The following SEC31A variants were observed in gnomAD, a reference collection of about 807,000 sequenced individuals.
SEC31A encodes protein transport protein Sec31A.
A neutral mutation model predicts 151.0 loss-of-function variants in SEC31A; 70 were observed. The observed-to-expected ratio is 0.46, with a 90% CI of 0.38 to 0.57. The LOEUF (loss-of-function observed/expected upper bound fraction) is 0.57. Among genes scored for constraint, SEC31A ranks in the 20% least tolerant of loss-of-function variants. SEC31A has a pLI of 0.00. For missense variants in SEC31A, 1,330 were observed against 1,471.2 expected, an observed-to-expected ratio of 0.90 and a Z score of 1.57; for synonymous variants, 475 against 505.9, an observed-to-expected ratio of 0.94 and a Z score of 0.82.
At position 82,855,039 on chromosome 4, in the gene SEC31A, C is replaced by A; in HGVS notation, c.1882-10G>T. Reference sequence around the variant, plus strand: ...CCACTGCAGTGATGAGCTTGAGAAACGAAAACAAAGGAAGAATTAAAAGTC... The same window carrying A: ...CCACTGCAGTGATGAGCTTGAGAAAAGAAAACAAAGGAAGAATTAAAAGTC... On this transcript the variant is annotated splice_polypyrimidine_tract_variant and intron_variant, in intron 16 of 26. Transcript: ENST00000395310. 2 of 1,581,376 alleles carry A rather than the reference C, an allele frequency of 1.3e-6. No homozygotes were observed. Among genetic ancestry groups the A allele is most frequent in the Admixed American group, 3.9e-5 (2 of 51,086 alleles).
Position 82,856,887 on chromosome 4 carries a change from AAC to A in SEC31A, c.1881+63_1881+64del, listed in dbSNP as rs1732808007. On this transcript the variant is annotated intron_variant, in intron 16 of 26. Transcript: ENST00000395310. The stretch of plus-strand genomic sequence containing the variant: ...TTTCTGCATTTCAGTTATCTATAAT[AAC>A]AGTGTATTGTTTTTATAATTAGAAA... The A allele has an allele frequency of 5.3e-6, 7 of 1,320,986 alleles. No individual in the cohort carries two copies. In the South Asian group the frequency reaches 1.0e-4, roughly 19 times the overall value. The allele number at this position is 1,320,986 out of a possible 1,614,324, so 81.8% of individuals were successfully genotyped here. A position where few individuals can be genotyped will look rare whatever the true frequency, so the allele number is the denominator to read the frequency against.
At chr4:82,844,963 G>A (rs867304399) in intron 20 of SEC31A, among the ~76,000 whole-genome samples, 1 of 152,214 alleles carries the variant, frequency 6.6e-6, no homozygotes, top group Non-Finnish European at 1.5e-5. Context: ...CAAAACCTTG[G>A]TTGGTGTTTT....
intron 1 of SEC31A, among the ~76,000 whole-genome samples, chr4:82,887,541 T>C: frequency 6.6e-6 from 1 of 152,256 alleles, no homozygotes; most frequent in East Asian, 1.9e-4. Context: ...AGCTTCACTA[T>C]GTCCACCTCT....
At chr4:82,879,206 C>A (rs1443424778) in intron 3 of SEC31A, among the ~76,000 whole-genome samples, 12 of 151,974 alleles carry the variant, frequency 7.9e-5, no homozygotes, top group Non-Finnish European at 1.8e-4. Flanking sequence ...AAAATATGAG[C>A]TTAAGAATGA....
At chr4:82,861,905 C>CTT (rs33968103) in intron 13 of SEC31A, 197 bp from the exon 14 acceptor site, 1,095 of 89,694 alleles carry the variant, frequency 0.012, 135 homozygotes, top group South Asian at 0.026. Flanking sequence ...CTTTCCCATT[C>CTT]TTTTTTTTTT....
chr4:82,884,269 G>A (rs1740115592), intron 1 of SEC31A, among the ~76,000 whole-genome samples: 2 of 151,892 alleles, frequency 1.3e-5, no homozygotes, highest in South Asian at 2.1e-4. Context: ...GATTACAGGG[G>A]TGAGCCACTG....
At chr4:82,900,261 G>C (rs1433007555) in intron 1 of SEC31A, 1 of 154,500 alleles carries the variant, frequency 6.5e-6, no homozygotes, top group Admixed American at 6.5e-5. Context: ...ACGCATCTCA[G>C]TAAATCATAT....
At chr4:82,820,091 T>TAATATATACTC (rs1165791346) in intron 26 of SEC31A, among the ~76,000 whole-genome samples, 5 of 151,768 alleles carry the variant, frequency 3.3e-5, no homozygotes, top group African/African-American at 1.2e-4. Context: ...AAAAATGTTT[T>TAATATATACTC]AATATATACT....
chr4:82,837,452 T>C (rs957964843), intron 22 of SEC31A, among the ~76,000 whole-genome samples: 3 of 152,020 alleles, frequency 2.0e-5, no homozygotes, highest in Non-Finnish European at 4.4e-5. Flanking sequence ...CTAGGTGCGA[T>C]CACAGCTCAC....
In SEC31A at chr4:82,824,546, A is replaced by C; in HGVS notation, c.3411+9T>G. On this transcript the variant is annotated intron_variant, in intron 25 of 26. Transcript: ENST00000395310. ...AAGCAAAATATGATTTAAAAAAATA[A>C]ATACATACAGGGTCTGTTGCTGAAG... 2.5e-6 allele frequency: 4 copies of C among 1,606,926 alleles called. No individual in the cohort carries two copies. Among genetic ancestry groups the C allele is most frequent in the South Asian group, 2.2e-5 (2 of 89,184 alleles).
chr4:82,825,383 T>C (rs1036783274), intron 24 of SEC31A, among the ~76,000 whole-genome samples: 1 of 152,086 alleles, frequency 6.6e-6, no homozygotes, highest in Non-Finnish European at 1.5e-5. Flanking sequence ...CCAATGTACA[T>C]AAAATAGCAA....
intron 25 of SEC31A, among the ~76,000 whole-genome samples, chr4:82,823,804 GAAAGAAA>G (rs1723954278): frequency 6.6e-6 from 1 of 152,186 alleles, no homozygotes; most frequent in Non-Finnish European, 1.5e-5. Flanking sequence ...TATAAGCTCA[GAAAGAAA>G]TCCCAAATCT....
At position 82,851,577 on chromosome 4, in the gene SEC31A, G is replaced by A. The variant is rs762276252; in HGVS notation, c.2182C>T (p.Arg728Ter). Reference protein sequence around the residue: ...QDLIEKVVILRKAVQLTQAMD... With the variant: ...QDLIEKVVIL Reference sequence around the variant, plus strand: ...GCTTGAGTGAGTTGCACAGCTTTTCGCAGGATGACAACTTTCTCAATCAGA... The same window carrying A: ...GCTTGAGTGAGTTGCACAGCTTTTCACAGGATGACAACTTTCTCAATCAGA... Residue 728 changes from arginine (R) to a stop codon, truncating the protein, a stop_gained, in exon 19 of 27, where the codon CGA (arginine) becomes TGA (stop). Transcript: ENST00000395310. LOFTEE classifies it high-confidence loss of function. 4 of 1,610,678 alleles carry A rather than the reference G, an allele frequency of 2.5e-6. No homozygotes were observed. The highest frequency in any genetic ancestry group is 1.7e-5 in the Admixed American group (1 of 59,592).
At position 82,881,850 on chromosome 4, in the gene SEC31A, G is replaced by C. The variant is rs764993312; in HGVS notation, c.79+8C>G. 6.9e-6 allele frequency: 11 copies of C among 1,604,574 alleles called. No individual in the cohort carries two copies. The highest frequency in any genetic ancestry group is 9.4e-6 in the Non-Finnish European group (11 of 1,171,418). ...TAACTCATACTATCTTCTCTCCTTTGAACTTACCTGTTGCTAGGTAAATGG... is the reference window on the plus strand; with the variant it reads ...TAACTCATACTATCTTCTCTCCTTTCAACTTACCTGTTGCTAGGTAAATGG... On this transcript the variant is annotated splice_region_variant and intron_variant, in intron 2 of 26. Transcript: ENST00000395310.
chr4:82,835,554 G>A (rs1727006339), intron 22 of SEC31A, among the ~76,000 whole-genome samples: 1 of 152,222 alleles, frequency 6.6e-6, no homozygotes, highest in East Asian at 1.9e-4. Flanking sequence ...CCCAGTATTT[G>A]GGAGGCTGAG....
chr4:82,858,854 C>G (rs920149536), intron 14 of SEC31A, among the ~76,000 whole-genome samples: 4 of 151,672 alleles, frequency 2.6e-5, no homozygotes, highest in Non-Finnish European at 4.4e-5. Flanking sequence ...AGGTGCCCAC[C>G]ACCATGCCTG....
At position 82,866,904 on chromosome 4, in the gene SEC31A, C is replaced by A. The variant is rs776596502; in HGVS notation, c.1101G>T (p.Pro367=). 2 of 1,614,108 alleles carry A rather than the reference C, an allele frequency of 1.2e-6. No individual in the cohort carries two copies. Among genetic ancestry groups the A allele is most frequent in the East Asian group, 4.5e-5 (2 of 44,874 alleles). The change falls in exon 10 of 27, where the codon CCG becomes CCT. Residue 367 remains proline (P), a synonymous_variant. Coordinates refer to ENST00000395310, the MANE Select transcript of SEC31A (RefSeq NM_001077207.4). ...DPFGTGQPLP[P]LQIPQQTAQH... is the part of the protein sequence containing the mutation. ...GAGCAGTCTGCTGTGGAATTTGTAA[C>A]GGAGGAAGGGGCTGTCCTGTGCCAA...
At chr4:82,881,231 C>T (rs1038648658) in intron 2 of SEC31A, among the ~76,000 whole-genome samples, 1 of 151,882 alleles carries the variant, frequency 6.6e-6, no homozygotes, top group East Asian at 1.9e-4. Context: ...TTTGGGAGGC[C>T]GAGATGGGTG....
rs1359972818 is a variant in SEC31A, at chr4:82,839,443, G to A, written c.2968+2697C>T. Among the ~76,000 whole-genome samples, 7 of 151,894 alleles carry A rather than the reference G, an allele frequency of 4.6e-5. 1 individual carries two copies. Among genetic ancestry groups the A allele is most frequent in the East Asian group, 1.9e-4 (1 of 5,178 alleles). ...TGGGATTACAGGCATGAGCCACCGC[G>A]CCCAGCCTAATTTTTGTATTTTTAG... On this transcript the variant is annotated intron_variant, in intron 22 of 26. Coordinates refer to ENST00000395310, the MANE Select transcript of SEC31A (RefSeq NM_001077207.4).
Sources: gnomAD v4.1 joint callset for allele counts (sites outside exome capture counted in the v4.1 genomes callset) on GRCh38, gnomAD v4.1.1 for gene constraint, MANE v1.5 for transcripts, NCBI Gene and HGNC (gene_info 2026-07-23, HGNC 2026-07-21) for gene names.